Variants in PTK2 observed in about 807,000 individuals in gnomAD.
PTK2 encodes protein tyrosine kinase 2, also known as focal adhesion kinase 1.
In PTK2, 45 loss-of-function variants were observed where a neutral mutation model predicts 150.1. The observed-to-expected ratio is 0.30, with a 90% CI of 0.24 to 0.38. The LOEUF is 0.38. PTK2 is among the 10% of genes least tolerant of loss of function. PTK2 has a pLI of 1.00. For synonymous variants in PTK2, 432 were observed against 449.2 expected (o/e 0.96, Z 0.48); for missense variants, 919 against 1,307.3 (o/e 0.70, Z 4.58).
At chr8:140,958,232 G>C (rs1217594621) in intron 1 of PTK2, among the ~76,000 whole-genome samples, 1 of 152,114 alleles carries the variant, frequency 6.6e-6, no homozygotes, top group Non-Finnish European at 1.5e-5. Flanking sequence ...CAACCTACTG[G>C]GCTCAAGCAA....
intron 8 of PTK2, among the ~76,000 whole-genome samples, chr8:140,827,468 T>C (rs895976624): frequency 2.0e-5 from 3 of 151,948 alleles, no homozygotes; most frequent in Non-Finnish European, 2.9e-5. Flanking sequence ...GCCAGGGCAA[T>C]GGAAGCCTAA....
chr8:140,846,247 G>A lies in PTK2; in HGVS notation c.593+13C>T, dbSNP rs776931953. On this transcript the variant is annotated intron_variant, in intron 7 of 31. Transcript: ENST00000522684. ...GCATATTTGCAGGTATAGATTGTAA[G>A]TACAATACTTACTCTAATACTTCAT... is the stretch of plus-strand genomic sequence containing the variant. 5 of 1,593,608 alleles carry A rather than the reference G, an allele frequency of 3.1e-6. No individual in the cohort carries two copies. In the African/African-American group the frequency reaches 5.4e-5, roughly 17 times the overall value.
At chr8:140,780,369 T>C (rs918289814) in intron 14 of PTK2, among the ~76,000 whole-genome samples, 1 of 152,050 alleles carries the variant, frequency 6.6e-6, no homozygotes, top group Non-Finnish European at 1.5e-5. Context: ...AACAACCAGA[T>C]GTACATCACC....
At chr8:140,867,308 C>G (rs1242473271) in intron 4 of PTK2, among the ~76,000 whole-genome samples, 2 of 152,108 alleles carry the variant, frequency 1.3e-5, no homozygotes, top group Non-Finnish European at 2.9e-5. Context: ...AAATAATAGC[C>G]AGGTTAATAT....
chr8:140,927,975 A>AAATATAT, intron 1 of PTK2, among the ~76,000 whole-genome samples: 96 of 48,158 alleles, frequency 2.0e-3, no homozygotes, highest in Non-Finnish European at 2.2e-3. Flanking sequence ...AAAAAAAAAA[A>AAATATAT]ATATATATAT....
intron 14 of PTK2, among the ~76,000 whole-genome samples, chr8:140,784,008 C>T (rs1183665840): frequency 6.6e-6 from 1 of 151,988 alleles, no homozygotes; most frequent in South Asian, 2.1e-4. Flanking sequence ...ACTAAAAATA[C>T]AAAAACTAGC....
intron 2 of PTK2, chr8:140,920,779 A>G: frequency 1.9e-5 from 28 of 1,437,928 alleles, no homozygotes; most frequent in Non-Finnish European, 2.5e-5. Context: ...GCATGAATTC[A>G]AATAAAACGG....
chr8:140,677,263 A>T (rs914823916), intron 27 of PTK2, among the ~76,000 whole-genome samples: 3 of 152,062 alleles, frequency 2.0e-5, no homozygotes, highest in Admixed American at 2.0e-4. Context: ...GGGTGTGTAG[A>T]TTCCCATGGG....
intron 14 of PTK2, chr8:140,765,017 T>C (rs893614177): frequency 4.6e-5 from 7 of 152,330 alleles, no homozygotes; most frequent in Admixed American, 3.3e-4. Context: ...ACTATATTAA[T>C]GGGAAATTTA....
At chr8:140,883,278 C>T (rs528804293) in intron 3 of PTK2, among the ~76,000 whole-genome samples, 30 of 152,262 alleles carry the variant, frequency 2.0e-4, no homozygotes, top group Middle Eastern at 3.4e-3. Flanking sequence ...GCAATTCTGA[C>T]CCTCAGAAGT....
intron 1 of PTK2, among the ~76,000 whole-genome samples, chr8:140,932,535 T>C (rs1322992515): frequency 1.3e-5 from 2 of 152,094 alleles, no homozygotes; most frequent in African/African-American, 2.4e-5. Flanking sequence ...AGAACTACAG[T>C]AAGCAAAACT....
intron 1 of PTK2, among the ~76,000 whole-genome samples, chr8:140,986,820 G>A (rs1718316030): frequency 3.3e-5 from 5 of 152,124 alleles, no homozygotes; most frequent in Admixed American, 3.3e-4. Context: ...CCTCATTCCA[G>A]GCCTCAAAAG....
chr8:140,824,029 T>C (rs1487702492), intron 8 of PTK2, among the ~76,000 whole-genome samples: 1 of 152,204 alleles, frequency 6.6e-6, no homozygotes, highest in Non-Finnish European at 1.5e-5. Flanking sequence ...AGAAGTTGTG[T>C]GCTGTTCTTC....
chr8:140,789,699 G>C (rs1175954744), intron 13 of PTK2, among the ~76,000 whole-genome samples, 173 bp from the exon 14 acceptor site: 1 of 152,142 alleles, frequency 6.6e-6, no homozygotes, highest in Non-Finnish European at 1.5e-5. Context: ...ATGCTTTAAA[G>C]ATCACAAATT....
intron 1 of PTK2, among the ~76,000 whole-genome samples, chr8:140,961,860 T>G (rs1370575334): frequency 6.6e-6 from 1 of 152,162 alleles, no homozygotes; most frequent in Admixed American, 6.5e-5. Flanking sequence ...AGATTTCATT[T>G]AGAGGTTTAT....
rs112287913 is a variant in PTK2, at chr8:140,682,310, A to G, written c.2562+4322T>C. On this transcript the variant is annotated intron_variant, in intron 27 of 31. Transcript: ENST00000522684. The stretch of plus-strand genomic sequence containing the variant: ...GGCACAAGAATCGCTTGAAACTGGG[A>G]GGCGGAGGTTATCACGCCACTGTAC... 4.2e-3 allele frequency among the ~76,000 whole-genome samples: 638 copies of G among 152,286 alleles called. 8 individuals carry two copies. Among genetic ancestry groups the G allele is most frequent in the African/African-American group, 0.015 (605 of 41,546 alleles).
chr8:140,745,044 G>T (rs546848755), intron 18 of PTK2, among the ~76,000 whole-genome samples: 2 of 150,964 alleles, frequency 1.3e-5, no homozygotes, highest in South Asian at 4.2e-4. Context: ...AGCTTCAATG[G>T]AATGAACAAA....
rs374558788 is a variant in PTK2 at position 140,986,110 on chromosome 8, A to G, written c.-122+15015T>C. Among the ~76,000 whole-genome samples, 173 of 152,364 alleles carry G rather than the reference A, an allele frequency of 1.1e-3. 1 individual carries two copies. The highest frequency in any genetic ancestry group is 4.0e-3 in the African/African-American group (166 of 41,588). ...CTATCCACTAGAACTTTCTGCAATG[A>G]TGAAAATGTTCTATACCAGCGCTGC... On this transcript the variant is annotated intron_variant, in intron 1 of 31. Transcript: ENST00000522684.
chr8:140,966,486 T>C (rs4961244), intron 1 of PTK2, among the ~76,000 whole-genome samples: 151,177 of 152,282 alleles, frequency 0.99, 75,048 homozygotes, highest in Middle Eastern at 1. Context: ...CAACAGGCAA[T>C]TTAATGCATG....
Sources: gnomAD v4.1 joint callset for allele counts (sites outside exome capture counted in the v4.1 genomes callset) on GRCh38, gnomAD v4.1.1 for gene constraint, MANE v1.5 for transcripts, NCBI Gene and HGNC (gene_info 2026-07-23, HGNC 2026-07-21) for gene names.